OOEP: variants seen among roughly 807,000 people sequenced by gnomAD.
The protein encoded by OOEP is oocyte-expressed protein homolog.
In OOEP, 16 loss-of-function variants were observed where a neutral mutation model predicts 13.7. The ratio of observed to expected loss-of-function variants is 1.16; its 90% CI spans 0.79 to 1.77. The LOEUF is 1.77. Among genes scored for constraint, OOEP ranks in the 40% most tolerant of loss-of-function variants. OOEP has a pLI of 0.00. For missense variants in OOEP, 195 were observed against 193.1 expected (o/e 1.01, Z -0.06); for synonymous variants, 89 against 77.1 (o/e 1.15, Z -0.81).
chr6:73,377,857 T>C (rs1281812678), intron 2 of OOEP, among the ~76,000 whole-genome samples: 4 of 152,158 alleles, frequency 2.6e-5, no homozygotes, highest in Admixed American at 2.0e-4. Context: ...TTATGTTTTG[T>C]AGAAACAAGT....
chr6:73,382,850 CTTTTTTT>C (rs765716551), intron 2 of OOEP, among the ~76,000 whole-genome samples: 10 of 102,266 alleles, frequency 9.8e-5, no homozygotes, highest in African/African-American at 3.5e-4. Context: ...TGGTTTTTAA[CTTTTTTT>C]TTTTTTTTTT....
chr6:73,387,197 CT>C (rs1391879715), intron 2 of OOEP, among the ~76,000 whole-genome samples: 5 of 151,514 alleles, frequency 3.3e-5, no homozygotes, highest in African/African-American at 1.2e-4. Flanking sequence ...AAATTCAAAA[CT>C]TTGGAAGTAT....
rs1554233274 is a variant in OOEP at position 73,379,657 on chromosome 6, A to AAG, written c.26-10273_26-10272insCT. Among the ~76,000 whole-genome samples, 54 of 110,890 alleles carry AAG rather than the reference A, an allele frequency of 4.9e-4. 16 individuals are homozygous for AAG. Among genetic ancestry groups the AAG allele is most frequent in the Non-Finnish European group, 3.7e-4 (21 of 56,350 alleles). 72.7% of individuals were successfully genotyped at this position (110,890 alleles called of 152,430 possible). Reference sequence around the variant, plus strand: ...CTATCTCAAAAAAAAAAAAAAAAAAAAAAAGTGGCCTTATTTTACATGTTT... The same window carrying AAG: ...CTATCTCAAAAAAAAAAAAAAAAAAAAGAAAAGTGGCCTTATTTTACATGTTT... On this transcript the variant is annotated intron_variant, in intron 2 of 3. Coordinates refer to the OOEP transcript ENST00000370363.
chr6:73,373,199 G>A (rs536341755), upstream of OOEP: 2 of 1,612,638 alleles, frequency 1.2e-6, no homozygotes, highest in East Asian at 4.5e-5. Context: ...CTGGGGAATG[G>A]GACGATTTTG....
intron 2 of OOEP, among the ~76,000 whole-genome samples, chr6:73,393,633 C>A (rs976647081): frequency 6.6e-6 from 1 of 152,036 alleles, no homozygotes; most frequent in African/African-American, 2.4e-5. Context: ...GATACCAGCC[C>A]GGGCAACATA....
intron 2 of OOEP, among the ~76,000 whole-genome samples, chr6:73,376,310 A>T (rs1342464131): frequency 6.8e-6 from 1 of 147,068 alleles, no homozygotes; most frequent in Non-Finnish European, 1.5e-5. Context: ...GCCTTAATTG[A>T]CAACTCAGTC....
At position 73,392,457 on chromosome 6, in the gene OOEP, A is replaced by T. The variant is rs551879356; in HGVS notation, c.25+1889T>A. Reference sequence around the variant, plus strand: ...GTAGCTGGGATTACAGACATTCGCCACCATGCCTGGCTAATTTTTTGTATT... The same window carrying T: ...GTAGCTGGGATTACAGACATTCGCCTCCATGCCTGGCTAATTTTTTGTATT... On this transcript the variant is annotated intron_variant, in intron 2 of 3. Transcript: ENST00000370363. Among the ~76,000 whole-genome samples, 5 of 151,908 alleles carry T rather than the reference A, an allele frequency of 3.3e-5. No individual in the cohort carries two copies. The South Asian group carries it at 1.0e-3, about 32-fold the overall frequency.
Position 73,369,815 on chromosome 6 carries a change from C to T in OOEP, c.-23G>A. On this transcript the variant is annotated 5_prime_UTR_variant, in exon 1 of 3. Coordinates refer to ENST00000370359, the MANE Select transcript of OOEP (RefSeq NM_001080507.3). Reference sequence around the variant, plus strand: ...CATACTGGGACCAGCAGCCGCGGAGCGCGCTCGAGGCGGCTTTCGCAAGAC... The same window carrying T: ...CATACTGGGACCAGCAGCCGCGGAGTGCGCTCGAGGCGGCTTTCGCAAGAC... 1.9e-6 allele frequency: 3 copies of T among 1,602,614 alleles called. No individual in the cohort carries two copies. The highest frequency in any genetic ancestry group is 2.6e-6 in the Non-Finnish European group (3 of 1,173,072).
chr6:73,371,773 A>T (rs10943091), upstream of OOEP, among the ~76,000 whole-genome samples: 17,112 of 148,030 alleles, frequency 0.12, 1,115 homozygotes, highest in Middle Eastern at 0.2. Flanking sequence ...AAATAAAAAT[A>T]AAAAAATTTG....
chr6:73,382,467 C>T (rs1021862827), intron 2 of OOEP, among the ~76,000 whole-genome samples: 1 of 152,030 alleles, frequency 6.6e-6, no homozygotes, highest in Non-Finnish European at 1.5e-5. Flanking sequence ...CCACCTGCCT[C>T]AGCCTCCCAA....
upstream of OOEP, chr6:73,370,044 G>A: frequency 1.9e-6 from 1 of 528,350 alleles, no homozygotes; most frequent in Non-Finnish European, 3.4e-6. Flanking sequence ...TTGGCCTCCT[G>A]TTGGGTCTCC....
chr6:73,390,928 A>T (rs984852683), intron 2 of OOEP: 1 of 151,670 alleles, frequency 6.6e-6, no homozygotes, highest in Non-Finnish European at 1.5e-5. Flanking sequence ...AAAAATAAAT[A>T]AATAAATAAA....
At chr6:73,385,451 CAA>C (rs1769260338) in intron 2 of OOEP, among the ~76,000 whole-genome samples, 1 of 151,960 alleles carries the variant, frequency 6.6e-6, no homozygotes, top group South Asian at 2.1e-4. Context: ...TGGATTAAAT[CAA>C]AAGTCAATTA....
upstream of OOEP, chr6:73,373,273 C>CG (rs775752402): frequency 3.7e-6 from 6 of 1,601,176 alleles, no homozygotes; most frequent in East Asian, 6.7e-5. Flanking sequence ...TGGCGAGCAG[C>CG]GGAGTCAAGA....
At chr6:73,389,022 C>CAAA in intron 2 of OOEP, among the ~76,000 whole-genome samples, 1 of 42,006 alleles carries the variant, frequency 2.4e-5, no homozygotes, top group South Asian at 1.2e-3. Flanking sequence ...GGTGCAAATG[C>CAAA]GAAGCCGCGA....
At chr6:73,371,176 G>A (rs1167190608), upstream of OOEP, among the ~76,000 whole-genome samples, 1 of 152,162 alleles carries the variant, frequency 6.6e-6, no homozygotes. Flanking sequence ...CTGTGTGGAG[G>A]TTCCAGTTTT....
intron 2 of OOEP, among the ~76,000 whole-genome samples, chr6:73,385,595 C>CTTT (rs533507847): frequency 4.3e-4 from 61 of 142,428 alleles, no homozygotes; most frequent in African/African-American, 1.4e-3. Flanking sequence ...TAAAAGCTCT[C>CTTT]TTTTTTTTTT....
Position 73,368,757 on chromosome 6 carries a change from G to A in OOEP, c.*27C>T, listed in dbSNP as rs1388148620. On this transcript the variant is annotated 3_prime_UTR_variant, in exon 3 of 3. Transcript: ENST00000370359. ...TTAGCAGCAAAAGTTAGAAAGTTAA[G>A]ATGTTCCCAACAGTAACTATGTTGT... is the stretch of plus-strand genomic sequence containing the variant. The A allele has an allele frequency of 2.7e-6, 4 of 1,491,582 alleles. No homozygotes were observed. The highest frequency in any genetic ancestry group is 3.7e-6 in the Non-Finnish European group (4 of 1,068,516). 92.4% of individuals were successfully genotyped at this position (1,491,582 alleles called of 1,614,324 possible).
chr6:73,380,541 T>G (rs909195340), intron 2 of OOEP, among the ~76,000 whole-genome samples: 1 of 152,154 alleles, frequency 6.6e-6, no homozygotes, highest in African/African-American at 2.4e-5. Flanking sequence ...AATAAACTAC[T>G]CCCAACATGA....
Sources: gnomAD v4.1 joint callset for allele counts (sites outside exome capture counted in the v4.1 genomes callset) on GRCh38, gnomAD v4.1.1 for gene constraint, MANE v1.5 for transcripts, NCBI Gene and HGNC (gene_info 2026-07-23, HGNC 2026-07-21) for gene names.